CEP135: variants seen among roughly 807,000 people sequenced by gnomAD.
The protein encoded by CEP135 is centrosomal protein of 135 kDa.
In CEP135, 142 loss-of-function variants were observed where a neutral mutation model predicts 157.3. The observed-to-expected ratio is 0.90, with a 90% CI of 0.79 to 1.04. The LOEUF (loss-of-function observed/expected upper bound fraction) is 1.04, where lower values mean the gene tolerates loss of function less well. Among genes scored for constraint, CEP135 ranks in the 50% least tolerant of loss-of-function variants. The pLI is 0.00. For synonymous variants in CEP135, 396 were observed against 439.8 expected, an observed-to-expected ratio of 0.90 and a Z score of 1.25; for missense variants, 1,317 against 1,309.2, an observed-to-expected ratio of 1.01 and a Z score of -0.09.
At chr4:55,955,773 G>A (rs1043086536) in intron 4 of CEP135, among the ~76,000 whole-genome samples, 4 of 152,166 alleles carry the variant, frequency 2.6e-5, no homozygotes, top group African/African-American at 9.7e-5. Flanking sequence ...GAGAATGTGG[G>A]AAGCAGAGCA....
chr4:55,958,642 A>G (rs1728579291), intron 5 of CEP135, among the ~76,000 whole-genome samples: 2 of 152,188 alleles, frequency 1.3e-5, no homozygotes, highest in South Asian at 4.1e-4. Flanking sequence ...GTTTGTATTC[A>G]GAGTCATTCA....
At chr4:56,016,057 G>A (rs1200296268) in intron 21 of CEP135, among the ~76,000 whole-genome samples, 1 of 152,194 alleles carries the variant, frequency 6.6e-6, no homozygotes, top group African/African-American at 2.4e-5. Context: ...TGAATGATGG[G>A]TGTCCTTCAA....
chr4:56,012,852 T>C lies in CEP135; in HGVS notation c.2802+867T>C, dbSNP rs535769984. Among the ~76,000 whole-genome samples the C allele has an allele frequency of 3.9e-5, 6 of 152,354 alleles. No individual in the cohort carries two copies. In the East Asian group the frequency reaches 9.6e-4, roughly 24 times the overall value. The stretch of plus-strand genomic sequence containing the variant: ...GTTGTGAATAATGCTGCTATGAACA[T>C]GAGTATACAAATATATCTGTTCGGG... On this transcript the variant is annotated intron_variant, in intron 21 of 25. Transcript: ENST00000257287.
At chr4:55,988,003 A>G (rs139695688) in intron 14 of CEP135, among the ~76,000 whole-genome samples, 22 of 152,348 alleles carry the variant, frequency 1.4e-4, no homozygotes, top group African/African-American at 5.3e-4. Context: ...AAGAAAATGC[A>G]TACAATTTTA....
At chr4:56,002,787 A>G (rs1279559012) in intron 17 of CEP135, among the ~76,000 whole-genome samples, 5 of 152,084 alleles carry the variant, frequency 3.3e-5, no homozygotes, top group Non-Finnish European at 7.3e-5. Context: ...TTCCTTGAAG[A>G]GTTTGAGCAG....
rs73155568 is a variant in CEP135 at position 55,992,471 on chromosome 4, G to T, written c.2009+386G>T. ...CTATGCCATTTTCTTTCTCTTTCTT[G>T]CCTCTTTCAGTGAAACGTAAAGTCA... On this transcript the variant is annotated intron_variant, in intron 15 of 25. Transcript: ENST00000257287. Among the ~76,000 whole-genome samples, 1,026 of 152,098 alleles carry T rather than the reference G, an allele frequency of 6.7e-3. 10 individuals carry two copies. The highest frequency in any genetic ancestry group is 0.021 in the African/African-American group (877 of 41,470).
chr4:55,972,836 A>G (rs1306347349), intron 10 of CEP135, among the ~76,000 whole-genome samples: 1 of 152,178 alleles, frequency 6.6e-6, no homozygotes, highest in East Asian at 1.9e-4. Context: ...GTTCAAGACC[A>G]GCCTGACCCA....
intron 17 of CEP135, among the ~76,000 whole-genome samples, chr4:56,007,748 G>C (rs989256549): frequency 1.8e-4 from 28 of 152,298 alleles, no homozygotes; most frequent in African/African-American, 6.5e-4. Context: ...CAGCCAGATT[G>C]AGAGAAGGGG....
At chr4:55,971,618 G>A (rs181459579) in intron 10 of CEP135, among the ~76,000 whole-genome samples, 3 of 152,066 alleles carry the variant, frequency 2.0e-5, no homozygotes, top group Admixed American at 6.6e-5. Flanking sequence ...GTTTATACAG[G>A]GAGCCCTGCT....
chr4:55,959,687 A>C lies in CEP135; in HGVS notation c.620A>C (p.Gln207Pro), dbSNP rs138715248. Reference protein sequence around the residue: ...DLLQVADNRIQELQQEVHQLQ... With the variant: ...DLLQVADNRIPELQQEVHQLQ... The stretch of plus-strand genomic sequence containing the variant: ...TAATTTAAAGTGCTTTTCAGGATTC[A>C]AGAACTTCAACAGGAAGTCCACCAG... The change falls in exon 6 of 26, where the codon CAA becomes CCA. Residue 207 changes from glutamine (Q) to proline (P), a missense_variant. By Grantham distance (76) the Gln-to-Pro change is moderately conservative (BLOSUM62 -1). Coordinates refer to ENST00000257287, the MANE Select transcript of CEP135 (RefSeq NM_025009.5). The C allele has an allele frequency of 6.9e-5, 111 of 1,613,866 alleles. No individual in the cohort carries two copies. The East Asian group carries it at 2.5e-3, about 36-fold the overall frequency.
At chr4:56,020,347 A>T (rs1347177529) in intron 23 of CEP135, among the ~76,000 whole-genome samples, 1 of 152,220 alleles carries the variant, frequency 6.6e-6, no homozygotes, top group Non-Finnish European at 1.5e-5. Context: ...TGAGCTTTTG[A>T]AAGGTATTAA....
intron 7 of CEP135, 26 bp downstream of exon 7, chr4:55,964,428 T>C: frequency 6.4e-7 from 1 of 1,552,926 alleles, no homozygotes; most frequent in Non-Finnish European, 8.8e-7. Context: ...ATTATTTCAC[T>C]GAGTGTATAT....
chr4:55,980,950 T>G (rs1446549412), intron 12 of CEP135, among the ~76,000 whole-genome samples: 1 of 152,190 alleles, frequency 6.6e-6, no homozygotes, highest in Admixed American at 6.5e-5. Context: ...TCCCCATTGC[T>G]AGCTTAGATT....
chr4:55,979,966 G>A (rs1047416688), intron 11 of CEP135, among the ~76,000 whole-genome samples, 177 bp from the exon 12 acceptor site: 2 of 152,130 alleles, frequency 1.3e-5, no homozygotes, highest in Admixed American at 6.6e-5. Context: ...ATTTGCCCTG[G>A]TACTGCCAGT....
chr4:56,007,075 G>A (rs138067864), intron 17 of CEP135, among the ~76,000 whole-genome samples: 2,869 of 151,910 alleles, frequency 0.019, 51 homozygotes, highest in Non-Finnish European at 0.025. Context: ...TGTATTTTTA[G>A]TAGAGATGGC....
chr4:55,960,770 C>T (rs1407329279), intron 6 of CEP135: 2 of 151,442 alleles, frequency 1.3e-5, no homozygotes, highest in Non-Finnish European at 2.9e-5. Flanking sequence ...ACTAAAAATA[C>T]AAAAAATTAG....
intron 6 of CEP135, among the ~76,000 whole-genome samples, chr4:55,961,764 TAAAAAAAAAAAAAAA>T (rs564116620): frequency 0.062 from 3,351 of 54,348 alleles, 122 homozygotes; most frequent in Admixed American, 0.2. Flanking sequence ...AAACTCTGTC[TAAAAAAAAAAAAAAA>T]AAAAAAAAAA....
At chr4:56,005,397 G>A (rs71601611) in intron 17 of CEP135, among the ~76,000 whole-genome samples, 9,064 of 152,166 alleles carry the variant, frequency 0.06, 363 homozygotes, top group East Asian at 0.13. Flanking sequence ...TACACTTCAA[G>A]TCTGGGTGAC....
At chr4:55,989,384 GT>G (rs1729710618) in intron 14 of CEP135, among the ~76,000 whole-genome samples, 1 of 151,982 alleles carries the variant, frequency 6.6e-6, no homozygotes, top group African/African-American at 2.4e-5. Context: ...TGCTAATATT[GT>G]CCTCATTTCA....
Sources: allele counts gnomAD v4.1 joint callset (sites outside exome capture counted in the v4.1 genomes callset), GRCh38; gene constraint gnomAD v4.1.1; transcripts MANE v1.5; gene names NCBI Gene and HGNC (gene_info 2026-07-23, HGNC 2026-07-21).